Variants in CADPS2 observed in about 807,000 individuals in gnomAD.
The protein encoded by CADPS2 is calcium-dependent secretion activator 2.
CADPS2 carries 93 observed loss-of-function variants against 172.5 expected under a neutral mutation model. The ratio of observed to expected loss-of-function variants is 0.54; its 90% CI spans 0.46 to 0.64. CADPS2 has a LOEUF of 0.64. Among genes scored for constraint, CADPS2 ranks in the 30% least tolerant of loss-of-function variants. CADPS2 has a pLI of 0.00. For missense variants in CADPS2, 1,420 were observed against 1,565.9 expected, an observed-to-expected ratio of 0.91 and a Z score of 1.57; for synonymous variants, 546 against 555.2, an observed-to-expected ratio of 0.98 and a Z score of 0.23.
intron 7 of CADPS2, among the ~76,000 whole-genome samples, chr7:122,565,213 C>G (rs930478006): frequency 2.7e-5 from 4 of 150,818 alleles, no homozygotes; most frequent in African/African-American, 9.8e-5. Flanking sequence ...GCACTTATAC[C>G]CCCTGAATTT....
chr7:122,645,268 T>C (rs1229648996), intron 3 of CADPS2, among the ~76,000 whole-genome samples: 2 of 141,852 alleles, frequency 1.4e-5, no homozygotes, highest in Non-Finnish European at 3.1e-5. Flanking sequence ...TGTATACATG[T>C]ACATATATAC....
At chr7:122,584,793 CTATA>C (rs566647328) in intron 6 of CADPS2, among the ~76,000 whole-genome samples, 1 of 151,868 alleles carries the variant, frequency 6.6e-6, no homozygotes, top group African/African-American at 2.4e-5. Context: ...GAATTTCTCT[CTATA>C]TATATCTTTT....
chr7:122,724,032 G>A (rs2090804725), intron 2 of CADPS2, among the ~76,000 whole-genome samples: 1 of 140,262 alleles, frequency 7.1e-6, no homozygotes, highest in Non-Finnish European at 1.5e-5. Flanking sequence ...CTGTTGTGGG[G>A]TGGAGGGAGG....
intron 6 of CADPS2, among the ~76,000 whole-genome samples, chr7:122,599,114 ACCTG>A (rs2072351984): frequency 6.6e-6 from 1 of 152,122 alleles, no homozygotes; most frequent in Non-Finnish European, 1.5e-5. Flanking sequence ...CAGGAATGGG[ACCTG>A]CTCCTAGTAG....
chr7:122,557,755 C>T lies in CADPS2; in HGVS notation c.1336-3066G>A, dbSNP rs76755844. ...GCCACAAGGGTGAACTATGGCACAC[C>T]GGCTGGCTATTTGCCACGATTCATG... is the stretch of plus-strand genomic sequence containing the variant. On this transcript the variant is annotated intron_variant, in intron 7 of 29. Transcript: ENST00000449022. Among the ~76,000 whole-genome samples the T allele has an allele frequency of 7.5e-3, 1,142 of 152,256 alleles. 11 individuals are homozygous for T. The highest frequency in any genetic ancestry group is 0.026 in the African/African-American group (1,077 of 41,548).
At chr7:122,667,838 A>G (rs189524738) in intron 2 of CADPS2, among the ~76,000 whole-genome samples, 15 of 152,304 alleles carry the variant, frequency 9.8e-5, no homozygotes, top group African/African-American at 3.1e-4. Context: ...CAACAGCAAT[A>G]AAGCACAAAA....
chr7:122,681,304 G>C, intron 2 of CADPS2: 5 of 1,067,802 alleles, frequency 4.7e-6, no homozygotes, highest in Non-Finnish European at 7.2e-6. Flanking sequence ...TCTCCGGTCC[G>C]TGCCTCCAAG....
chr7:122,356,793 G>C (rs757007387), intron 27 of CADPS2, among the ~76,000 whole-genome samples: 23 of 152,148 alleles, frequency 1.5e-4, no homozygotes, highest in South Asian at 4.1e-4. Context: ...ATCATCTGCT[G>C]TGTCTCTTTG....
At chr7:122,536,237 TTTAAGA>T (rs1448068444) in intron 8 of CADPS2, among the ~76,000 whole-genome samples, 4 of 152,110 alleles carry the variant, frequency 2.6e-5, no homozygotes, top group African/African-American at 9.7e-5. Context: ...AATAGAAGTA[TTTAAGA>T]TTATTTATTA....
chr7:122,708,168 A>T (rs1053588199), intron 2 of CADPS2, among the ~76,000 whole-genome samples: 9 of 151,740 alleles, frequency 5.9e-5, no homozygotes, highest in Non-Finnish European at 1.0e-4. Context: ...CTATTCTATT[A>T]ATCTCCTTGA....
intron 27 of CADPS2, among the ~76,000 whole-genome samples, chr7:122,352,956 G>A (rs2038880760): frequency 6.6e-6 from 1 of 152,196 alleles, no homozygotes; most frequent in Admixed American, 6.5e-5. Flanking sequence ...AGTAATGCAT[G>A]GGAGCCGGAA....
Position 122,369,155 on chromosome 7 carries a change from T to TTGAGACG in CADPS2, c.3388-8143_3388-8142insCGTCTCA, listed in dbSNP as rs1554469782. On this transcript the variant is annotated intron_variant, in intron 25 of 29. Coordinates refer to ENST00000449022, the MANE Select transcript of CADPS2 (RefSeq NM_017954.11). ...CCCCCCCCCCCCCTTTTTTTTTTTT[T>TTGAGACG]GAGTCTCGCTCTGTCGCCCAGGCTG... Among the ~76,000 whole-genome samples the TTGAGACG allele has an allele frequency of 2.3e-3, 229 of 99,456 alleles. 9 individuals carry two copies. The highest frequency in any genetic ancestry group is 5.2e-3 in the African/African-American group (131 of 25,214). 65.2% of individuals were successfully genotyped at this position (99,456 alleles called of 152,430 possible). A position where few individuals can be genotyped will look rare whatever the true frequency, so the allele number is the denominator to read the frequency against.
intron 25 of CADPS2, among the ~76,000 whole-genome samples, chr7:122,369,174 C>T (rs376454425): frequency 5.4e-4 from 60 of 111,598 alleles, no homozygotes; most frequent in African/African-American, 2.0e-3. Context: ...CTCTGTCGCC[C>T]AGGCTGGAGT....
At chr7:122,498,619 G>T (rs1024811068) in intron 9 of CADPS2, among the ~76,000 whole-genome samples, 5 of 151,868 alleles carry the variant, frequency 3.3e-5, no homozygotes, top group Admixed American at 1.3e-4. Context: ...TTTCTCTTCA[G>T]ATGTGTCTAA....
intron 17 of CADPS2, among the ~76,000 whole-genome samples, chr7:122,434,254 A>G (rs1395596840): frequency 6.6e-6 from 1 of 152,068 alleles, no homozygotes; most frequent in Non-Finnish European, 1.5e-5. Flanking sequence ...CTTAGCAATC[A>G]TTGTAGGTGT....
At chr7:122,575,581 T>G (rs113728942) in intron 7 of CADPS2, among the ~76,000 whole-genome samples, 1 of 151,696 alleles carries the variant, frequency 6.6e-6, no homozygotes, top group Non-Finnish European at 1.5e-5. Context: ...GGATTACAGG[T>G]GTGCACCACC....
At chr7:122,566,455 T>C (rs2066488204) in intron 7 of CADPS2, among the ~76,000 whole-genome samples, 1 of 152,104 alleles carries the variant, frequency 6.6e-6, no homozygotes, top group Non-Finnish European at 1.5e-5. Context: ...ATAGAAGAGA[T>C]ATCTGCACTC....
chr7:122,501,646 G>A (rs538278109), intron 9 of CADPS2, among the ~76,000 whole-genome samples: 143 of 151,942 alleles, frequency 9.4e-4, no homozygotes, highest in Non-Finnish European at 1.8e-3. Flanking sequence ...TCAGGAGATC[G>A]AGACCATCCT....
intron 24 of CADPS2, among the ~76,000 whole-genome samples, chr7:122,381,590 GGACGAGCCACAAA>G (rs2043004607): frequency 6.6e-6 from 1 of 152,016 alleles, no homozygotes; most frequent in East Asian, 1.9e-4. Context: ...TAAAATCAAG[GGACGAGCCACAAA>G]AGAGGTCATT....
Sources: allele counts gnomAD v4.1 joint callset (sites outside exome capture counted in the v4.1 genomes callset), GRCh38; gene constraint gnomAD v4.1.1; transcripts MANE v1.5; gene names NCBI Gene and HGNC (gene_info 2026-07-23, HGNC 2026-07-21).